PKHD1L1: variants seen among roughly 807,000 people sequenced by gnomAD.
PKHD1L1 encodes the protein fibrocystin-L.
Under a neutral mutation model 462.9 loss-of-function variants are expected in PKHD1L1, and 434 were observed. The ratio of observed to expected loss-of-function variants is 0.94; its 90% confidence interval spans 0.87 to 1.02. The LOEUF is 1.02. PKHD1L1 is among the 50% of genes least tolerant of loss of function. PKHD1L1 has a pLI of 0.00. For synonymous variants in PKHD1L1, 1,781 were observed against 1,750.0 expected (o/e 1.02, Z -0.44); for missense variants, 5,202 against 5,096.1 (o/e 1.02, Z -0.63).
At chr8:109,397,086 C>T (rs1302359440) in intron 11 of PKHD1L1, among the ~76,000 whole-genome samples, 1 of 152,012 alleles carries the variant, frequency 6.6e-6, no homozygotes, top group African/African-American at 2.4e-5. Context: ...AACATTAAAA[C>T]CAGGGCCATA....
chr8:109,454,483 G>A (rs1202868421), intron 44 of PKHD1L1, among the ~76,000 whole-genome samples: 1 of 152,080 alleles, frequency 6.6e-6, no homozygotes, highest in Non-Finnish European at 1.5e-5. Flanking sequence ...AATAGAACAG[G>A]AAAGAATTAA....
intron 27 of PKHD1L1, among the ~76,000 whole-genome samples, chr8:109,430,499 A>G (rs1281186823): frequency 2.0e-5 from 3 of 152,188 alleles, no homozygotes; most frequent in Admixed American, 1.3e-4. Context: ...ATTTGAGAGT[A>G]AGAGATATAA....
intron 63 of PKHD1L1, among the ~76,000 whole-genome samples, chr8:109,495,494 G>A (rs968075507): frequency 3.9e-5 from 6 of 151,966 alleles, no homozygotes; most frequent in East Asian, 1.9e-4. Context: ...AAGAGTTTAC[G>A]TTCCTGTAAT....
chr8:109,437,710 A>G (rs188346144), intron 30 of PKHD1L1, among the ~76,000 whole-genome samples: 151 of 152,062 alleles, frequency 9.9e-4, no homozygotes, highest in South Asian at 2.5e-3. Flanking sequence ...AATGATGGAG[A>G]TGAGAATTGA....
chr8:109,419,186 A>G lies in PKHD1L1; in HGVS notation c.2450A>G (p.Lys817Arg), dbSNP rs745802831. The G allele has an allele frequency of 4.3e-6, 7 of 1,613,442 alleles. No homozygotes were observed. In the African/African-American group the frequency reaches 9.3e-5, roughly 22 times the overall value. ...TCTCTTCAGAGGATTAGCTTACATA[A>G]AGCATCAGAATCACAGTCCTTCTAT... is the stretch of plus-strand genomic sequence containing the variant. ...NVSLQRISLH[K>R]ASESQSFYVD... The change falls in exon 22 of 78, where the codon AAA becomes AGA. Residue 817 changes from lysine (K) to arginine (R), a missense_variant. Around this residue, in one of 3 missense-constraint regions of PKHD1L1, gnomAD observed 4,497 missense variants for 4,336.8 expected, o/e 1.04. Coordinates refer to ENST00000378402, the MANE Select transcript of PKHD1L1 (RefSeq NM_177531.6).
In PKHD1L1 at chr8:109,535,156, G is replaced by C. The variant is rs193237361; in HGVS notation, c.*5066G>C. Among the ~76,000 whole-genome samples the C allele has an allele frequency of 1.3e-5, 2 of 151,916 alleles. No homozygotes were observed. Among genetic ancestry groups the C allele is most frequent in the Non-Finnish European group, 2.9e-5 (2 of 67,952 alleles). On this transcript the variant is annotated 3_prime_UTR_variant, in exon 78 of 78. Coordinates refer to ENST00000378402, the MANE Select transcript of PKHD1L1 (RefSeq NM_177531.6). ...TGTATAAAATTCACACCCAGTTATA[G>C]ACTGAGTAATTATAGTTGCTATGGT...
intron 35 of PKHD1L1, 23 bp from the exon 36 acceptor site, chr8:109,442,923 C>T (rs373148452): frequency 5.0e-5 from 81 of 1,604,478 alleles, no homozygotes; most frequent in South Asian, 4.9e-4. Context: ...ATATTTATTA[C>T]GTACAATCTC....
intron 41 of PKHD1L1, 57 bp from the exon 42 acceptor site, chr8:109,452,067 G>A (rs1563559822): frequency 6.7e-7 from 1 of 1,500,966 alleles, no homozygotes; most frequent in African/African-American, 1.4e-5. Flanking sequence ...GGGTTTGACA[G>A]TGTGATCTAG....
At chr8:109,440,598 C>T (rs1227946505) in intron 32 of PKHD1L1, 112 bp from the exon 33 acceptor site, 1 of 887,688 alleles carries the variant, frequency 1.1e-6, no homozygotes, top group Non-Finnish European at 1.7e-6. Flanking sequence ...AAGTAATGTA[C>T]AGTTAAATAT....
In PKHD1L1 at chr8:109,459,723, T is replaced by C. The variant is rs775387336; in HGVS notation, c.7133T>C (p.Leu2378Pro). The C allele has an allele frequency of 2.4e-5, 38 of 1,612,002 alleles. No individual in the cohort carries two copies. Among genetic ancestry groups the C allele is most frequent in the Admixed American group, 1.7e-5 (1 of 59,810 alleles). Residue 2378 changes from leucine (L) to proline (P), a missense_variant, in exon 47 of 78, where the codon CTG (leucine) becomes CCG (proline). Transcript: ENST00000378402. ...ACGGTCACACTCCCTGATGGAACTC[T>C]GTTTGAAGCAAGAGCAGAAGTTGGA... ...GITVTLPDGTLFEARAEVGIL... is the reference protein window; with the variant it reads ...GITVTLPDGTPFEARAEVGIL...
rs369150519 is a variant in PKHD1L1, at chr8:109,400,375, T to C, written c.1281+31T>C. ...GAAGCCTCAGAATACTATTTGATACTGTAAAAACATTATGGTGATATTTAT... is the reference window on the plus strand; with the variant it reads ...GAAGCCTCAGAATACTATTTGATACCGTAAAAACATTATGGTGATATTTAT... On this transcript the variant is annotated intron_variant, in intron 13 of 77. Transcript: ENST00000378402. 1.8e-5 allele frequency: 29 copies of C among 1,579,508 alleles called. No individual in the cohort carries two copies. The African/African-American group carries it at 3.9e-4, about 21-fold the overall frequency.
chr8:109,483,962 T>A (rs1180725419), intron 57 of PKHD1L1, among the ~76,000 whole-genome samples: 1 of 151,778 alleles, frequency 6.6e-6, no homozygotes, highest in African/African-American at 2.4e-5. Flanking sequence ...CATTTTTTAA[T>A]GCCAAGAAAA....
chr8:109,493,878 A>G (rs928284431), intron 63 of PKHD1L1, 127 bp downstream of exon 63: 3 of 536,406 alleles, frequency 5.6e-6, no homozygotes, highest in Non-Finnish European at 9.6e-6. Flanking sequence ...AAATAACTCA[A>G]CAAGATAAAT....
chr8:109,449,618 G>A, intron 40 of PKHD1L1, 131 bp downstream of exon 40: 4 of 683,412 alleles, frequency 5.9e-6, no homozygotes, highest in Admixed American at 4.0e-5. Flanking sequence ...CTGATTCTAA[G>A]CAATTTCTTC....
Position 109,444,777 on chromosome 8 carries a change from T to A in PKHD1L1, c.4908T>A (p.Thr1636=). 1 of 1,614,050 alleles carries A rather than the reference T, an allele frequency of 6.2e-7. No individual in the cohort carries two copies. The highest frequency in any genetic ancestry group is 1.1e-5 in the South Asian group (1 of 91,090). The change falls in exon 38 of 78, where the codon ACT becomes ACA. Residue 1636 remains threonine, a synonymous_variant. Transcript: ENST00000378402. The part of the protein sequence containing the change: ...DVGIRETVTL[T]VYNLGTAINT... ...GTATCAGGGAAACTGTCACTTTGAC[T>A]GTCTACAACCTGGGCACTGCTATCA...
In PKHD1L1 at chr8:109,508,220, C is replaced by T. The variant is rs768487649; in HGVS notation, c.11351C>T (p.Ser3784Phe). Residue 3784 changes from serine (S) to phenylalanine (F), a missense_variant, in exon 70 of 78, where the codon TCC (serine) becomes TTC (phenylalanine). Ser to Phe is a radical substitution (Grantham distance 155). Around this residue, in one of 3 missense-constraint regions of PKHD1L1, gnomAD observed 698 missense variants for 736.3 expected, o/e 0.95. Transcript: ENST00000378402. ...LDPDTETRRL[S>F]PVAIMGNGYV... ...CCTGACACAGAAACTCGAAGACTTTCCCCAGTGGCTATAATGGGCAACGGT... is the reference window on the plus strand; with the variant it reads ...CCTGACACAGAAACTCGAAGACTTTTCCCAGTGGCTATAATGGGCAACGGT... 1.9e-6 allele frequency: 3 copies of T among 1,612,928 alleles called. No homozygotes were observed. The South Asian group carries it at 3.3e-5, about 18-fold the overall frequency.
chr8:109,400,495 G>T (rs1432524156), intron 13 of PKHD1L1, among the ~76,000 whole-genome samples, 151 bp downstream of exon 13: 2 of 151,970 alleles, frequency 1.3e-5, no homozygotes, highest in African/African-American at 4.8e-5. Flanking sequence ...TCCTGGATAT[G>T]ATACAAGATA....
At chr8:109,467,096 G>C (rs1817482835) in intron 50 of PKHD1L1, among the ~76,000 whole-genome samples, 1 of 152,040 alleles carries the variant, frequency 6.6e-6, no homozygotes, top group Admixed American at 6.6e-5. Context: ...GATTGTCCTT[G>C]CTGATTGAGA....
At chr8:109,417,326 C>T (rs1840909) in intron 21 of PKHD1L1, among the ~76,000 whole-genome samples, 1 of 151,678 alleles carries the variant, frequency 6.6e-6, no homozygotes, top group African/African-American at 2.4e-5. Context: ...ATATATACAC[C>T]TAATATGTAT....
Sources: gnomAD v4.1 joint callset for allele counts (sites outside exome capture counted in the v4.1 genomes callset) on GRCh38, gnomAD v4.1.1 for gene constraint, gnomAD v4.1.1 regional missense constraint, MANE v1.5 for transcripts, NCBI Gene and HGNC (gene_info 2026-07-23, HGNC 2026-07-21) for gene names.